Variants in ABLIM1 observed in about 807,000 individuals in gnomAD.
ABLIM1 encodes the protein actin-binding LIM protein 1.
ABLIM1 carries 40 observed loss-of-function variants against 107.0 expected under a neutral mutation model. The ratio of observed to expected loss-of-function variants is 0.37; its 90% CI spans 0.29 to 0.49. The LOEUF (loss-of-function observed/expected upper bound fraction) is 0.49. Among genes scored for constraint, ABLIM1 ranks in the 20% least tolerant of loss-of-function variants. ABLIM1 has a pLI of 0.97. For missense variants in ABLIM1, 857 were observed against 1,008.5 expected (o/e 0.85, Z 2.04); for synonymous variants, 357 against 357.3 (o/e 1.00, Z 0.01).
chr10:114,544,638 C>T lies in ABLIM1; in HGVS notation c.894+367G>A, dbSNP rs528829681. On this transcript the variant is annotated intron_variant, in intron 6 of 22. Transcript: ENST00000533213. The stretch of plus-strand genomic sequence containing the variant: ...CTGAATCTGCACACGCCCACAGATG[C>T]ATGCATAGACATATGCACACATGCA... 2.0e-5 allele frequency among the ~76,000 whole-genome samples: 3 copies of T among 152,312 alleles called. No homozygotes were observed. In the East Asian group the frequency reaches 5.8e-4, roughly 29 times the overall value.
At chr10:114,462,045 T>C (rs151097483) in intron 12 of ABLIM1, among the ~76,000 whole-genome samples, 1 of 152,254 alleles carries the variant, frequency 6.6e-6, no homozygotes, top group East Asian at 1.9e-4. Flanking sequence ...TACTGATAAG[T>C]ACAGTACATG....
At chr10:114,646,739 C>T (rs2079027209) in intron 1 of ABLIM1, among the ~76,000 whole-genome samples, 1 of 152,072 alleles carries the variant, frequency 6.6e-6, no homozygotes. Context: ...CAGCTGCTGC[C>T]ACATATAGAA....
At chr10:114,501,185 A>G (rs192593553) in intron 6 of ABLIM1, among the ~76,000 whole-genome samples, 97 of 152,322 alleles carry the variant, frequency 6.4e-4, no homozygotes, top group Non-Finnish European at 1.1e-3. Flanking sequence ...CCCAGCCACA[A>G]TGTGAGGTAG....
the ABLIM1 span, among the ~76,000 whole-genome samples, chr10:114,791,413 C>A: frequency 2.0e-5 from 3 of 152,122 alleles, no homozygotes; most frequent in Non-Finnish European, 4.4e-5. Context: ...CCAAAGCCGG[C>A]GGATCACGAG....
At chr10:114,460,339 G>A (rs1211981612) in intron 12 of ABLIM1, among the ~76,000 whole-genome samples, 1 of 152,200 alleles carries the variant, frequency 6.6e-6, no homozygotes, top group Non-Finnish European at 1.5e-5. Flanking sequence ...GGTGGCTCAC[G>A]CCTGTAATCC....
chr10:114,552,004 A>C (rs2068120912), intron 4 of ABLIM1, among the ~76,000 whole-genome samples: 1 of 152,130 alleles, frequency 6.6e-6, no homozygotes, highest in East Asian at 1.9e-4. Flanking sequence ...GGCTAAGGTT[A>C]GGCCTCCTTC....
chr10:114,489,081 A>T (rs2058586487), intron 7 of ABLIM1, among the ~76,000 whole-genome samples: 1 of 152,000 alleles, frequency 6.6e-6, no homozygotes, highest in South Asian at 2.1e-4. Flanking sequence ...CAAGTGGCAC[A>T]ATCTCAGCTT....
intron 6 of ABLIM1, among the ~76,000 whole-genome samples, chr10:114,510,492 G>A (rs1246699747): frequency 6.6e-6 from 1 of 151,978 alleles, no homozygotes; most frequent in Admixed American, 6.6e-5. Flanking sequence ...TTGGGAACAA[G>A]GACATTGTCT....
At chr10:114,662,404 C>T (rs993500942), upstream of ABLIM1, among the ~76,000 whole-genome samples, 13 of 151,916 alleles carry the variant, frequency 8.6e-5, no homozygotes, top group Admixed American at 2.6e-4. Flanking sequence ...AGTGACGACT[C>T]GGCCCATTTG....
chr10:114,689,364 GTT>G (rs35878862), upstream of ABLIM1, among the ~76,000 whole-genome samples: 23 of 132,600 alleles, frequency 1.7e-4, no homozygotes, highest in African/African-American at 5.1e-4. Context: ...TTGTATATTG[GTT>G]TTTTTTTTTT....
Position 114,636,851 on chromosome 10 carries a change from G to A in ABLIM1, c.244+21106C>T, listed in dbSNP as rs1489748872. ...AGTTTGAGACCAGCCTGGCCAACAC[G>A]GTGAAACCCCATCTCTTCCAAAAAT... On this transcript the variant is annotated intron_variant, in intron 1 of 22. Transcript: ENST00000533213. Among the ~76,000 whole-genome samples, 6 of 151,926 alleles carry A rather than the reference G, an allele frequency of 3.9e-5. No individual in the cohort carries two copies. In the South Asian group the frequency reaches 8.3e-4, roughly 21 times the overall value.
intron 6 of ABLIM1, among the ~76,000 whole-genome samples, chr10:114,496,356 G>A (rs2497688): frequency 0.15 from 23,000 of 152,172 alleles, 2,339 homozygotes; most frequent in East Asian, 0.5. Flanking sequence ...GCAGGGACAT[G>A]GATGAAGCTG....
At chr10:114,594,354 A>C (rs2075208121) in intron 2 of ABLIM1, among the ~76,000 whole-genome samples, 1 of 152,098 alleles carries the variant, frequency 6.6e-6, no homozygotes, top group South Asian at 2.1e-4. Context: ...CTTTACTTGC[A>C]CTCTTTCTTT....
intron 1 of ABLIM1, among the ~76,000 whole-genome samples, chr10:114,735,234 G>A (rs1274281580): frequency 6.6e-6 from 1 of 152,138 alleles, no homozygotes; most frequent in Non-Finnish European, 1.5e-5. Flanking sequence ...GCAGATGCCT[G>A]GGCTAATGAT....
chr10:114,518,458 G>C (rs1244156036), intron 6 of ABLIM1, among the ~76,000 whole-genome samples: 1 of 151,852 alleles, frequency 6.6e-6, no homozygotes, highest in Non-Finnish European at 1.5e-5. Flanking sequence ...CTCAAGGCTG[G>C]TATGGGCTAA....
At chr10:114,677,292 C>T (rs756595906) in intron 1 of ABLIM1, among the ~76,000 whole-genome samples, 3 of 152,204 alleles carry the variant, frequency 2.0e-5, no homozygotes, top group East Asian at 3.9e-4. Flanking sequence ...ATCCCCCTCA[C>T]GCCCCTTCTT....
chr10:114,529,481 T>C (rs544960766), intron 6 of ABLIM1, among the ~76,000 whole-genome samples: 21 of 152,184 alleles, frequency 1.4e-4, no homozygotes, highest in African/African-American at 5.1e-4. Flanking sequence ...TTGGATTTTA[T>C]TTATTTAAGC....
At chr10:114,752,227 C>CGGA (rs2082530390) in intron 1 of ABLIM1, among the ~76,000 whole-genome samples, 1 of 152,050 alleles carries the variant, frequency 6.6e-6, no homozygotes, top group Admixed American at 6.5e-5. Context: ...ATGGAGGTCC[C>CGGA]GGAGGGCACT....
chr10:114,726,844 G>A (rs1394231996), intron 1 of ABLIM1, among the ~76,000 whole-genome samples: 3 of 152,060 alleles, frequency 2.0e-5, no homozygotes, highest in Middle Eastern at 3.4e-3. Context: ...TGAGAAATCC[G>A]CCCCCATGAT....
Sources: allele counts gnomAD v4.1 joint callset (sites outside exome capture counted in the v4.1 genomes callset), GRCh38; gene constraint gnomAD v4.1.1; transcripts MANE v1.5; gene names NCBI Gene and HGNC (gene_info 2026-07-23, HGNC 2026-07-21).